Variants in LRIT3 observed in about 807,000 individuals in gnomAD.
The protein encoded by LRIT3 is leucine rich repeat, Ig-like and transmembrane domains 3.
LRIT3 carries 14 observed loss-of-function variants against 22.6 expected under a neutral mutation model. That is an observed-to-expected ratio of 0.62 (90% CI 0.41 to 0.97). The LOEUF (loss-of-function observed/expected upper bound fraction) is 0.97. Ranked by LOEUF, LRIT3 falls within the 50% of genes least tolerant of loss-of-function variation. The pLI, the probability that LRIT3 is intolerant of heterozygous loss-of-function variation, is 0.00. For missense variants in LRIT3, 783 were observed against 803.0 expected, an observed-to-expected ratio of 0.98 and a Z score of 0.30; for synonymous variants, 306 against 304.5, an observed-to-expected ratio of 1.01 and a Z score of -0.05.
chr4:109,850,422 C>CTTTCTTTCTTTCTTCCTTT (rs1553922077), intron 1 of LRIT3, among the ~76,000 whole-genome samples: 2 of 55,088 alleles, frequency 3.6e-5, no homozygotes, highest in Non-Finnish European at 3.5e-5. Flanking sequence ...TTCCTTCCTT[C>CTTTCTTTCTTTCTTCCTTT]CTTTCTTTCT....
In LRIT3 at chr4:109,870,087, A is replaced by C; in HGVS notation, c.1338A>C (p.Gln446His). 6.2e-7 allele frequency: 1 copy of C among 1,614,182 alleles called. No homozygotes were observed. Among genetic ancestry groups the C allele is most frequent in the Non-Finnish European group, 8.5e-7 (1 of 1,180,020 alleles). ...MANKRSFQLHQGGKRNLKVAK... is the reference protein window; with the variant it reads ...MANKRSFQLHHGGKRNLKVAK... ...ACAAGCGATCATTCCAGCTCCACCAAGGTGGGAAAAGAAATTTAAAGGTGG... is the reference window on the plus strand; with the variant it reads ...ACAAGCGATCATTCCAGCTCCACCACGGTGGGAAAAGAAATTTAAAGGTGG... The change falls in exon 4 of 4, where the codon CAA (glutamine) becomes CAC (histidine). Residue 446 changes from glutamine (Q) to histidine (H), a missense_variant. By Grantham distance (24) the Gln-to-His change is conservative. This residue lies in a region of LRIT3 where 756 missense variants were observed against 753.8 expected (regional missense o/e 1.00). Transcript: ENST00000594814.
intron 1 of LRIT3, among the ~76,000 whole-genome samples, chr4:109,850,422 C>CCTTTCTTTCTTTCTTTCTTT (rs1251866042): frequency 4.4e-4 from 24 of 55,092 alleles, no homozygotes; most frequent in African/African-American, 1.6e-3. Flanking sequence ...TTCCTTCCTT[C>CCTTTCTTTCTTTCTTTCTTT]CTTTCTTTCT....
intron 1 of LRIT3, among the ~76,000 whole-genome samples, chr4:109,850,940 T>C (rs1386521334): frequency 1.3e-5 from 2 of 148,152 alleles, no homozygotes; most frequent in African/African-American, 5.0e-5. Flanking sequence ...TTTAAACATG[T>C]ACTGTGAACA....
chr4:109,856,033 G>A lies in LRIT3; in HGVS notation c.589+4057G>A, dbSNP rs1026503906. ...CATTTATAGGCTCTCCACAAGGGTC[G>A]CATTCCATTCCCAGAATTATGAACA... is the stretch of plus-strand genomic sequence containing the variant. On this transcript the variant is annotated intron_variant, in intron 2 of 3. Coordinates refer to ENST00000594814, the MANE Select transcript of LRIT3 (RefSeq NM_198506.5). 6.6e-5 allele frequency among the ~76,000 whole-genome samples: 10 copies of A among 152,096 alleles called. No individual in the cohort carries two copies. The East Asian group carries it at 7.7e-4, about 12-fold the overall frequency.
chr4:109,850,502 A>G (rs1734226522), intron 1 of LRIT3, among the ~76,000 whole-genome samples: 2 of 131,120 alleles, frequency 1.5e-5, no homozygotes, highest in African/African-American at 5.9e-5. Flanking sequence ...TTTGAGATGG[A>G]GTCTCGCTCT....
chr4:109,857,274 G>C lies in LRIT3; in HGVS notation c.589+5298G>C, dbSNP rs1258164836. ...ATGGTACTCTTTTTTGTGAATGTGG[G>C]GTGGGGGGAATAGGTTGTATGAGAG... On this transcript the variant is annotated intron_variant, in intron 2 of 3. Coordinates refer to ENST00000594814, the MANE Select transcript of LRIT3 (RefSeq NM_198506.5). Among the ~76,000 whole-genome samples, 4 of 151,246 alleles carry C rather than the reference G, an allele frequency of 2.6e-5. No homozygotes were observed. The East Asian group carries it at 7.8e-4, about 29-fold the overall frequency.
chr4:109,862,940 C>T (rs377486060), intron 2 of LRIT3, among the ~76,000 whole-genome samples: 2 of 152,246 alleles, frequency 1.3e-5, no homozygotes, highest in African/African-American at 4.8e-5. Flanking sequence ...GCAATCTTCC[C>T]ACCTCAGCCT....
rs1050042346 is a variant in LRIT3, at chr4:109,851,921, T to C, written c.534T>C (p.His178=). 1.9e-6 allele frequency: 3 copies of C among 1,551,470 alleles called. No homozygotes were observed. The highest frequency in any genetic ancestry group is 2.0e-5 in the Admixed American group (1 of 50,966). The change falls in exon 2 of 4, where the codon CAT becomes CAC. Residue 178 remains histidine, a synonymous_variant. Transcript: ENST00000594814. ...LPPDFLESWT[H]LVSTPSGVLD... ...CAGATTTCCTGGAGAGCTGGACTCA[T>C]TTAGTTTCAACACCTTCTGGAGTCC...
chr4:109,870,242 A>C lies in LRIT3; in HGVS notation c.1493A>C (p.Glu498Ala). Residue 498 changes from glutamate to alanine, a missense_variant, in exon 4 of 4, where the codon GAG (glutamate) becomes GCG (alanine). This residue lies in a region of LRIT3 where 756 missense variants were observed against 753.8 expected (regional missense o/e 1.00). Transcript: ENST00000594814. ...ENLRVVSETK[E>A]SVTLTWNMIN... Reference sequence around the variant, plus strand: ...CTCAGGGTGGTCAGTGAGACTAAAGAGAGTGTGACATTGACGTGGAATATG... The same window carrying C: ...CTCAGGGTGGTCAGTGAGACTAAAGCGAGTGTGACATTGACGTGGAATATG... 1 of 1,614,236 alleles carries C rather than the reference A, an allele frequency of 6.2e-7. No homozygotes were observed. Among genetic ancestry groups the C allele is most frequent in the Non-Finnish European group, 8.5e-7 (1 of 1,180,028 alleles).
At chr4:109,866,799 C>T (rs538014643) in intron 2 of LRIT3, among the ~76,000 whole-genome samples, 1 of 152,268 alleles carries the variant, frequency 6.6e-6, no homozygotes, top group African/African-American at 2.4e-5. Context: ...TCCTGAAGGC[C>T]CAAAGGCTTC....
rs1278279996 is a variant in LRIT3, at chr4:109,848,353, AT to A, written c.116+40del. Reference sequence around the variant, plus strand: ...CTGCTTGTTACTAAGTGTTCTCATTATTTTGACAAAAAGGACCCAAACAAGA... The same window carrying A: ...CTGCTTGTTACTAAGTGTTCTCATTATTTGACAAAAAGGACCCAAACAAGA... On this transcript the variant is annotated intron_variant, in intron 1 of 3. Coordinates refer to ENST00000594814, the MANE Select transcript of LRIT3 (RefSeq NM_198506.5). 4 of 1,152,346 alleles carry A rather than the reference AT, an allele frequency of 3.5e-6. No individual in the cohort carries two copies. The African/African-American group carries it at 6.4e-5, about 18-fold the overall frequency. 71.4% of individuals were successfully genotyped at this position (1,152,346 alleles called of 1,614,324 possible).
intron 2 of LRIT3, among the ~76,000 whole-genome samples, chr4:109,854,130 A>G (rs942618446): frequency 3.3e-5 from 5 of 152,172 alleles, no homozygotes; most frequent in African/African-American, 1.2e-4. Flanking sequence ...GAAGAAAGTC[A>G]ATGGTAGCTT....
intron 2 of LRIT3, among the ~76,000 whole-genome samples, chr4:109,853,337 T>C (rs1264560932): frequency 6.6e-6 from 1 of 152,240 alleles, no homozygotes; most frequent in Non-Finnish European, 1.5e-5. Flanking sequence ...TAACCAGTGA[T>C]GATGAGCTTT....
chr4:109,861,103 T>G, intron 2 of LRIT3, among the ~76,000 whole-genome samples: 1 of 152,178 alleles, frequency 6.6e-6, no homozygotes, highest in East Asian at 1.9e-4. Flanking sequence ...GGGCCATGGC[T>G]CACTCCTGTA....
At position 109,851,575 on chromosome 4, in the gene LRIT3, G is replaced by T. The variant is rs1410028604; in HGVS notation, c.188G>T (p.Arg63Leu). 6.4e-7 allele frequency: 1 copy of T among 1,551,780 alleles called. No homozygotes were observed. Among genetic ancestry groups the T allele is most frequent in the Non-Finnish European group, 8.7e-7 (1 of 1,147,046 alleles). ...CTCCCCGTGGACACTGTGAAGCTTCGCATAGAGAAGACTGTCATCCGCAGA... is the reference window on the plus strand; with the variant it reads ...CTCCCCGTGGACACTGTGAAGCTTCTCATAGAGAAGACTGTCATCCGCAGA... The part of the protein sequence containing the change: ...TNLPVDTVKL[R>L]IEKTVIRRIS... The change falls in exon 2 of 4, where the codon CGC (arginine) becomes CTC (leucine). Residue 63 changes from arginine (R) to leucine (L), a missense_variant. Around this residue, in one of 2 missense-constraint regions of LRIT3, gnomAD observed 756 missense variants for 753.8 expected, o/e 1.00. Transcript: ENST00000594814.
At chr4:109,865,053 T>C in intron 2 of LRIT3, 3 of 1,406,646 alleles carry the variant, frequency 2.1e-6, no homozygotes, top group Non-Finnish European at 2.8e-6. Context: ...ATGATGGATT[T>C]TAGTGTTAGT....
In LRIT3 at chr4:109,870,693, G is replaced by A; in HGVS notation, c.1944G>A (p.Arg648=). The change falls in exon 4 of 4, where the codon AGG becomes AGA. Residue 648 remains arginine, a synonymous_variant. Coordinates refer to ENST00000594814, the MANE Select transcript of LRIT3 (RefSeq NM_198506.5). ...SVGELWTRSH[R]DDSEKLLLCS... Reference sequence around the variant, plus strand: ...GTGAGCTCTGGACACGAAGCCACAGGGATGACTCAGAGAAATTGCTGCTTT... The same window carrying A: ...GTGAGCTCTGGACACGAAGCCACAGAGATGACTCAGAGAAATTGCTGCTTT... 1 of 1,614,110 alleles carries A rather than the reference G, an allele frequency of 6.2e-7. No individual in the cohort carries two copies. Among genetic ancestry groups the A allele is most frequent in the South Asian group, 1.1e-5 (1 of 91,066 alleles).
chr4:109,849,251 G>A (rs1466726432), intron 1 of LRIT3, among the ~76,000 whole-genome samples: 1 of 152,170 alleles, frequency 6.6e-6, no homozygotes, highest in Admixed American at 6.5e-5. Context: ...GATATTCACT[G>A]GGTGGTTAAA....
chr4:109,859,277 T>C (rs1458542612), intron 2 of LRIT3, among the ~76,000 whole-genome samples: 1 of 152,106 alleles, frequency 6.6e-6, no homozygotes, highest in Non-Finnish European at 1.5e-5. Flanking sequence ...GGTAGGTTAG[T>C]GAGGGATTTA....
Sources: allele counts gnomAD v4.1 joint callset (sites outside exome capture counted in the v4.1 genomes callset), GRCh38; gene constraint gnomAD v4.1.1; regional missense constraint gnomAD v4.1.1; transcripts MANE v1.5; gene names NCBI Gene and HGNC (gene_info 2026-07-23, HGNC 2026-07-21).